Variants in RAB3C observed in about 807,000 individuals in gnomAD.
RAB3C encodes the protein RAB3C, member RAS oncogene family, also known as ras-related protein Rab-3C.
In RAB3C, 17 loss-of-function variants were observed where a neutral mutation model predicts 26.4. That is an observed-to-expected ratio of 0.64 (90% confidence interval 0.44 to 0.97). RAB3C has a LOEUF of 0.97. RAB3C is among the 50% of genes least tolerant of loss of function. RAB3C has a pLI of 0.00. For synonymous variants in RAB3C, 91 were observed against 95.9 expected (o/e 0.95, Z 0.30); for missense variants, 242 against 281.9 (o/e 0.86, Z 1.01).
At chr5:58,739,232 C>T (rs1489135703) in intron 3 of RAB3C, among the ~76,000 whole-genome samples, 1 of 152,184 alleles carries the variant, frequency 6.6e-6, no homozygotes, top group Non-Finnish European at 1.5e-5. Context: ...ATGTTATTGA[C>T]CCTCATTTTC....
At chr5:58,759,043 C>T (rs143589765) in intron 3 of RAB3C, among the ~76,000 whole-genome samples, 58 of 152,232 alleles carry the variant, frequency 3.8e-4, no homozygotes, top group African/African-American at 1.2e-3. Flanking sequence ...CAAATCAAAC[C>T]GCTTTATACT....
At chr5:58,725,841 T>C (rs1448098295) in intron 2 of RAB3C, among the ~76,000 whole-genome samples, 161 bp from the exon 3 acceptor site, 1 of 151,890 alleles carries the variant, frequency 6.6e-6, no homozygotes, top group Admixed American at 6.6e-5. Context: ...AAAAAATCAT[T>C]TTTAAAAATC....
chr5:58,654,519 T>C (rs965488168), intron 2 of RAB3C, among the ~76,000 whole-genome samples: 2 of 152,198 alleles, frequency 1.3e-5, no homozygotes, highest in African/African-American at 4.8e-5. Context: ...AAGAGGTTGC[T>C]TAAATAATTA....
chr5:58,735,553 T>C (rs1168621270), intron 3 of RAB3C, among the ~76,000 whole-genome samples: 1 of 152,224 alleles, frequency 6.6e-6, no homozygotes, highest in Non-Finnish European at 1.5e-5. Context: ...GTCACAGTTC[T>C]GAAGGCTAGA....
At chr5:58,770,662 T>C (rs1360543795) in intron 3 of RAB3C, among the ~76,000 whole-genome samples, 3 of 152,150 alleles carry the variant, frequency 2.0e-5, no homozygotes, top group Non-Finnish European at 4.4e-5. Context: ...TTTAAAAACC[T>C]TGGGATCTCT....
intron 3 of RAB3C, among the ~76,000 whole-genome samples, chr5:58,776,816 T>G (rs1465259594): frequency 6.6e-6 from 1 of 152,098 alleles, no homozygotes; most frequent in Admixed American, 6.6e-5. Context: ...CATCCTGTGA[T>G]GTGGCCATTG....
chr5:58,801,793 A>G (rs777181692), intron 3 of RAB3C, among the ~76,000 whole-genome samples: 18 of 152,352 alleles, frequency 1.2e-4, no homozygotes, highest in Non-Finnish European at 1.2e-4. Context: ...AGCAACCAGC[A>G]AAGGCTGCTT....
intron 2 of RAB3C, among the ~76,000 whole-genome samples, chr5:58,687,426 G>A (rs1024390579): frequency 6.6e-6 from 1 of 151,956 alleles, no homozygotes; most frequent in Admixed American, 6.6e-5. Flanking sequence ...AGATAGAATA[G>A]GGCTAAAAAT....
chr5:58,813,053 A>G (rs928951951), intron 3 of RAB3C, among the ~76,000 whole-genome samples: 1 of 152,112 alleles, frequency 6.6e-6, no homozygotes, highest in African/African-American at 2.4e-5. Context: ...CAGTTCTGTT[A>G]TATGTTATCG....
intron 3 of RAB3C, among the ~76,000 whole-genome samples, chr5:58,738,747 AT>A (rs1371485607): frequency 6.6e-6 from 1 of 152,192 alleles, no homozygotes; most frequent in Admixed American, 6.5e-5. Flanking sequence ...TATGATTGCT[AT>A]TTGTACTGTT....
At chr5:58,639,758 C>T (rs1747373371) in intron 2 of RAB3C, among the ~76,000 whole-genome samples, 1 of 152,152 alleles carries the variant, frequency 6.6e-6, no homozygotes, top group African/African-American at 2.4e-5. Flanking sequence ...CCAAATAAAC[C>T]ACCTGCTCAC....
chr5:58,651,843 G>A (rs1747657454), intron 2 of RAB3C, among the ~76,000 whole-genome samples: 1 of 152,130 alleles, frequency 6.6e-6, no homozygotes, highest in Non-Finnish European at 1.5e-5. Flanking sequence ...ATAAAATGGT[G>A]TAGTGTTTAC....
At position 58,857,581 on chromosome 5, in the gene RAB3C, C is replaced by T. The variant is rs1744293851; in HGVS notation, c.*6230C>T. On this transcript the variant is annotated 3_prime_UTR_variant, in exon 5 of 5. Transcript: ENST00000282878. ...TCTACTAAGAATTTTCACCTCTGTA[C>T]TTGTATGTATATTTTATTGTTACTC... is the stretch of plus-strand genomic sequence containing the variant. 2 of 152,254 alleles carry T rather than the reference C, an allele frequency of 1.3e-5. No homozygotes were observed. The highest frequency in any genetic ancestry group is 1.9e-4 in the East Asian group (1 of 5,190). The allele number at this position is 152,254 out of a possible 1,614,324, so 9.4% of individuals were successfully genotyped here.
intron 3 of RAB3C, among the ~76,000 whole-genome samples, chr5:58,772,690 T>C (rs899740541): frequency 5.3e-5 from 8 of 152,238 alleles, no homozygotes. Flanking sequence ...TTCCTTGAAT[T>C]CTAAATTTCT....
intron 2 of RAB3C, among the ~76,000 whole-genome samples, chr5:58,692,132 G>C (rs1748582680): frequency 6.6e-6 from 1 of 152,122 alleles, no homozygotes; most frequent in Admixed American, 6.6e-5. Flanking sequence ...AGTATGTATA[G>C]TCACAGCAAT....
At chr5:58,797,633 A>T (rs1357421241) in intron 3 of RAB3C, among the ~76,000 whole-genome samples, 3 of 151,942 alleles carry the variant, frequency 2.0e-5, no homozygotes, top group African/African-American at 7.3e-5. Flanking sequence ...AGGGACCAGC[A>T]AAGAAGCTAT....
chr5:58,687,300 C>G (rs1748464667), intron 2 of RAB3C, among the ~76,000 whole-genome samples: 1 of 152,128 alleles, frequency 6.6e-6, no homozygotes, highest in Non-Finnish European at 1.5e-5. Context: ...TGCCAGAATT[C>G]ATTTTAAACC....
At chr5:58,632,001 A>G (rs1401594978) in intron 2 of RAB3C, among the ~76,000 whole-genome samples, 3 of 152,220 alleles carry the variant, frequency 2.0e-5, no homozygotes, top group East Asian at 3.9e-4. Flanking sequence ...GCAGAGATTA[A>G]AGGAGAGAGG....
At chr5:58,844,013 C>T (rs954158406) in intron 4 of RAB3C, among the ~76,000 whole-genome samples, 4 of 152,188 alleles carry the variant, frequency 2.6e-5, no homozygotes, top group African/African-American at 9.7e-5. Context: ...ATCTACTGGA[C>T]ACCTGCTCAT....
Sources: allele counts gnomAD v4.1 joint callset (sites outside exome capture counted in the v4.1 genomes callset), GRCh38; gene constraint gnomAD v4.1.1; transcripts MANE v1.5; gene names NCBI Gene and HGNC (gene_info 2026-07-23, HGNC 2026-07-21).